ROR1: variants seen among roughly 807,000 people sequenced by gnomAD.
The protein encoded by ROR1 is inactive tyrosine-protein kinase transmembrane receptor ROR1.
Under a neutral mutation model 78.8 loss-of-function variants are expected in ROR1, and 19 were observed. The ratio of observed to expected loss-of-function variants is 0.24; its 90% confidence interval spans 0.17 to 0.35. ROR1 has a LOEUF of 0.35. ROR1 is among the 10% of genes least tolerant of loss of function. The pLI is 1.00. For missense variants in ROR1, 917 were observed against 1,177.8 expected (o/e 0.78, Z 3.24); for synonymous variants, 386 against 433.6 (o/e 0.89, Z 1.36).
At chr1:63,845,705 T>C (rs1438207707) in intron 1 of ROR1, among the ~76,000 whole-genome samples, 1 of 152,208 alleles carries the variant, frequency 6.6e-6, no homozygotes, top group Non-Finnish European at 1.5e-5. Flanking sequence ...ATTATTGTGT[T>C]CTGATCTCTG....
At chr1:63,904,716 G>T (rs914004011) in intron 1 of ROR1, among the ~76,000 whole-genome samples, 1 of 152,120 alleles carries the variant, frequency 6.6e-6, no homozygotes, top group South Asian at 2.1e-4. Context: ...CTTATAAGAC[G>T]AGGAGATTAG....
At position 64,181,313 on chromosome 1, in the gene ROR1, T is replaced by G. The variant is rs984971463; in HGVS notation, c.*2458T>G. The G allele has an allele frequency of 1.3e-5, 2 of 152,168 alleles. No homozygotes were observed. The highest frequency in any genetic ancestry group is 3.8e-4 in the East Asian group (2 of 5,196). The allele number at this position is 152,168 out of a possible 1,614,324, so 9.4% of individuals were successfully genotyped here. On this transcript the variant is annotated 3_prime_UTR_variant, in exon 9 of 9. Transcript: ENST00000371079. ...CTTTCCTTATTTTCACTGCATGCAT[T>G]TAATCACTGTATTACTTAATGTTTG...
chr1:63,878,592 G>A (rs573743207), intron 1 of ROR1, among the ~76,000 whole-genome samples: 1 of 151,768 alleles, frequency 6.6e-6, no homozygotes, highest in East Asian at 1.9e-4. Flanking sequence ...TGAAATCCTT[G>A]CCATGGCTTG....
At chr1:63,799,898 TG>T (rs1353889886) in intron 1 of ROR1, among the ~76,000 whole-genome samples, 1 of 152,210 alleles carries the variant, frequency 6.6e-6, no homozygotes, top group East Asian at 1.9e-4. Flanking sequence ...GCCTTTTTAT[TG>T]GAAAAACATT....
chr1:63,919,004 T>C (rs1303273479), intron 1 of ROR1, among the ~76,000 whole-genome samples: 1 of 38,166 alleles, frequency 2.6e-5, no homozygotes, highest in Admixed American at 3.7e-4. Context: ...TGTTAATGCA[T>C]ATCTTGAGAT....
chr1:63,963,289 T>C (rs1646046704), intron 1 of ROR1, among the ~76,000 whole-genome samples: 1 of 152,160 alleles, frequency 6.6e-6, no homozygotes, highest in Non-Finnish European at 1.5e-5. Flanking sequence ...AATTCTGGGC[T>C]GGGCGCAGTG....
intron 1 of ROR1, among the ~76,000 whole-genome samples, chr1:63,816,712 C>T (rs749583973): frequency 9.9e-5 from 15 of 152,182 alleles, no homozygotes; most frequent in Non-Finnish European, 1.3e-4. Context: ...GGAGAAGAGA[C>T]GGGCTCAAGT....
chr1:63,817,597 G>A (rs1644900028), intron 1 of ROR1, among the ~76,000 whole-genome samples: 1 of 152,106 alleles, frequency 6.6e-6, no homozygotes, highest in Non-Finnish European at 1.5e-5. Flanking sequence ...ATTAAAGCAC[G>A]ATTGTCTTTA....
intron 4 of ROR1, among the ~76,000 whole-genome samples, chr1:64,135,523 G>A (rs1007443644): frequency 2.0e-5 from 3 of 152,130 alleles, no homozygotes; most frequent in African/African-American, 7.2e-5. Flanking sequence ...GGGGTGGCAT[G>A]GGGGTGTATT....
At chr1:64,088,753 T>C (rs2100641141) in intron 4 of ROR1, among the ~76,000 whole-genome samples, 1 of 152,252 alleles carries the variant, frequency 6.6e-6, no homozygotes, top group Non-Finnish European at 1.5e-5. Flanking sequence ...AGGAGAAGCA[T>C]ACAAACCATA....
At chr1:64,040,681 T>C (rs1334860322) in intron 2 of ROR1, among the ~76,000 whole-genome samples, 2 of 152,156 alleles carry the variant, frequency 1.3e-5, no homozygotes, top group Non-Finnish European at 2.9e-5. Flanking sequence ...TCTCATTGTG[T>C]CCTCACATGG....
intron 1 of ROR1, among the ~76,000 whole-genome samples, chr1:63,873,001 A>G (rs1461959200): frequency 6.6e-6 from 1 of 152,018 alleles, no homozygotes; most frequent in East Asian, 1.9e-4. Context: ...GGATTTTCAG[A>G]TATATTTATG....
chr1:64,049,731 C>T lies in ROR1; in HGVS notation c.204C>T (p.Thr68=), dbSNP rs1317670439. ...TCGATGAACCAATGAATAACATCACCACGTCTCTGGGCCAGACAGCAGAAC... is the reference window on the plus strand; with the variant it reads ...TCGATGAACCAATGAATAACATCACTACGTCTCTGGGCCAGACAGCAGAAC... ...LTLDEPMNNI[T]TSLGQTAELH... is the part of the protein sequence containing the mutation. Residue 68 remains threonine (T), a synonymous_variant, in exon 3 of 9, where the codon ACC becomes ACT. Transcript: ENST00000371079. The T allele has an allele frequency of 6.2e-7, 1 of 1,614,042 alleles. No homozygotes were observed. The highest frequency in any genetic ancestry group is 1.7e-5 in the Admixed American group (1 of 60,000).
chr1:64,129,143 C>T (rs961934111), intron 4 of ROR1, among the ~76,000 whole-genome samples: 2 of 152,104 alleles, frequency 1.3e-5, no homozygotes, highest in Non-Finnish European at 2.9e-5. Flanking sequence ...TAACCACCAT[C>T]AGCAGAAGGA....
intron 1 of ROR1, among the ~76,000 whole-genome samples, chr1:63,986,410 T>A (rs1412903100): frequency 6.6e-6 from 1 of 152,150 alleles, no homozygotes; most frequent in Non-Finnish European, 1.5e-5. Context: ...GGAAGAGGAA[T>A]GAAAATGGGC....
chr1:63,872,172 G>A (rs928777640), intron 1 of ROR1, among the ~76,000 whole-genome samples: 5 of 152,200 alleles, frequency 3.3e-5, no homozygotes, highest in African/African-American at 1.2e-4. Flanking sequence ...GTGGTCTACA[G>A]TAGTTCCCAT....
Position 63,791,840 on chromosome 1 carries a change from G to T in ROR1, c.91+17332G>T, listed in dbSNP as rs533840549. Among the ~76,000 whole-genome samples the T allele has an allele frequency of 5.9e-5, 9 of 152,200 alleles. No individual in the cohort carries two copies. The East Asian group carries it at 1.5e-3, about 26-fold the overall frequency. On this transcript the variant is annotated intron_variant, in intron 1 of 8. Transcript: ENST00000371079. ...TAAACCTAAAATCCTATCTGAGATCGAGGATTTAGATGGCAAGTACCATTT... is the reference window on the plus strand; with the variant it reads ...TAAACCTAAAATCCTATCTGAGATCTAGGATTTAGATGGCAAGTACCATTT...
intron 7 of ROR1, among the ~76,000 whole-genome samples, chr1:64,156,580 G>C (rs1349455911): frequency 6.6e-6 from 1 of 152,126 alleles, no homozygotes; most frequent in South Asian, 2.1e-4. Context: ...GGTGGCACGT[G>C]CCTGTAGTCC....
chr1:63,842,989 G>T (rs983073717), intron 1 of ROR1, among the ~76,000 whole-genome samples: 2 of 152,128 alleles, frequency 1.3e-5, no homozygotes, highest in African/African-American at 4.8e-5. Context: ...AAGCAGTTTG[G>T]CAAGACCAGA....
Sources: allele counts gnomAD v4.1 joint callset (sites outside exome capture counted in the v4.1 genomes callset), GRCh38; gene constraint gnomAD v4.1.1; transcripts MANE v1.5; gene names NCBI Gene and HGNC (gene_info 2026-07-23, HGNC 2026-07-21).